The following CSMD1 variants were observed in gnomAD, a reference collection of about 807,000 sequenced individuals.
CSMD1 encodes the protein CUB and Sushi multiple domains 1.
CSMD1 carries 213 observed loss-of-function variants against 417.5 expected under a neutral mutation model. The ratio of observed to expected loss-of-function variants is 0.51; its 90% CI spans 0.46 to 0.57. CSMD1 has a LOEUF of 0.57. CSMD1 is among the 20% of genes least tolerant of loss of function. CSMD1 has a pLI of 0.00. For missense variants in CSMD1, 6,923 were observed against 4,529.7 expected (o/e 1.53, Z -15.17); for synonymous variants, 2,862 against 1,736.8 (o/e 1.65, Z -16.11).
At chr8:4,669,781 T>C (rs1805175078) in intron 1 of CSMD1, among the ~76,000 whole-genome samples, 1 of 152,200 alleles carries the variant, frequency 6.6e-6, no homozygotes, top group Non-Finnish European at 1.5e-5. Flanking sequence ...TGCAAATATT[T>C]TTCTAGAAGG....
chr8:4,418,398 C>A (rs1325324214), intron 3 of CSMD1, among the ~76,000 whole-genome samples: 2 of 151,978 alleles, frequency 1.3e-5, no homozygotes. Context: ...CCAGAAATAG[C>A]CCAGAAATAT....
chr8:3,398,488 C>G (rs569795488), intron 16 of CSMD1, among the ~76,000 whole-genome samples: 1 of 152,050 alleles, frequency 6.6e-6, no homozygotes, highest in Non-Finnish European at 1.5e-5. Context: ...GCTGAAAAAC[C>G]TTTCCTGTGT....
At chr8:4,318,878 T>C (rs1422516891) in intron 3 of CSMD1, among the ~76,000 whole-genome samples, 4 of 152,194 alleles carry the variant, frequency 2.6e-5, no homozygotes, top group African/African-American at 4.8e-5. Context: ...CAGAGATCTG[T>C]CCTAAATGAA....
chr8:3,630,633 T>C lies in CSMD1; in HGVS notation c.1010-13836A>G, dbSNP rs140710173. 1.9e-3 allele frequency among the ~76,000 whole-genome samples: 283 copies of C among 152,072 alleles called. 1 individual carries two copies. The highest frequency in any genetic ancestry group is 6.4e-3 in the African/African-American group (264 of 41,482). On this transcript the variant is annotated intron_variant, in intron 7 of 69. Transcript: ENST00000635120. ...GTTGGGCTGGCATGCTGAGTGAGGG[T>C]TGAAGGGCAGCAGACAGATTTCATT...
intron 3 of CSMD1, among the ~76,000 whole-genome samples, chr8:4,281,145 G>T (rs929952062): frequency 2.6e-5 from 4 of 152,170 alleles, no homozygotes; most frequent in Non-Finnish European, 4.4e-5. Flanking sequence ...CAGCCCTCGG[G>T]AGCACCTGAC....
intron 44 of CSMD1, 62 bp downstream of exon 44, chr8:3,108,541 A>G (rs541879169): frequency 1.2e-4 from 178 of 1,547,064 alleles, no homozygotes; most frequent in Non-Finnish European, 1.5e-4. Flanking sequence ...GCGTGGGACA[A>G]CACTGCAGGA....
chr8:4,309,354 A>C (rs1051067201), intron 3 of CSMD1, among the ~76,000 whole-genome samples: 2 of 152,152 alleles, frequency 1.3e-5, no homozygotes, highest in Admixed American at 1.3e-4. Context: ...TTTAGGAAAA[A>C]AACTAATCTT....
intron 5 of CSMD1, among the ~76,000 whole-genome samples, chr8:3,756,317 C>A (rs1213916542): frequency 1.3e-5 from 2 of 149,306 alleles, no homozygotes; most frequent in African/African-American, 2.5e-5. Context: ...CGCGCCACTG[C>A]ACTCCACCCT....
chr8:3,600,602 C>A (rs1014963757), intron 8 of CSMD1, among the ~76,000 whole-genome samples: 1 of 151,898 alleles, frequency 6.6e-6, no homozygotes, highest in East Asian at 2.0e-4. Flanking sequence ...CGATGGCAAG[C>A]AAGTATTATT....
intron 5 of CSMD1, among the ~76,000 whole-genome samples, chr8:3,868,723 C>G (rs144249932): frequency 2.0e-4 from 31 of 152,282 alleles, no homozygotes; most frequent in Middle Eastern, 3.4e-3. Context: ...TGGGGGCACT[C>G]CTGACCCTCT....
chr8:3,447,913 C>T (rs1356155064), intron 12 of CSMD1, among the ~76,000 whole-genome samples: 1 of 152,092 alleles, frequency 6.6e-6, no homozygotes, highest in Non-Finnish European at 1.5e-5. Context: ...CCCAGAGGAG[C>T]TGGAAGCTAT....
At chr8:3,684,369 A>G (rs993678310) in intron 7 of CSMD1, among the ~76,000 whole-genome samples, 2 of 147,432 alleles carry the variant, frequency 1.4e-5, no homozygotes, top group Admixed American at 1.4e-4. Flanking sequence ...TGTATATTAC[A>G]TAATATATAA....
At chr8:3,377,009 A>G (rs1165098551) in intron 18 of CSMD1, among the ~76,000 whole-genome samples, 1 of 152,140 alleles carries the variant, frequency 6.6e-6, no homozygotes, top group Non-Finnish European at 1.5e-5. Context: ...TAGATTTAGT[A>G]ATAGCTCTTT....
At chr8:3,674,011 T>G (rs73183329) in intron 7 of CSMD1, among the ~76,000 whole-genome samples, 21,060 of 152,096 alleles carry the variant, frequency 0.14, 1,636 homozygotes, top group South Asian at 0.21. Context: ...CCAGCCACTG[T>G]GGGAGAATAA....
In CSMD1 at chr8:3,896,674, C is replaced by T. The variant is rs563465403; in HGVS notation, c.818+101229G>A. ...CTACAGGCGCCCGCCACCACACTGGCTAATTTTTCTTATTTTTATTGGAGA... is the reference window on the plus strand; with the variant it reads ...CTACAGGCGCCCGCCACCACACTGGTTAATTTTTCTTATTTTTATTGGAGA... On this transcript the variant is annotated intron_variant, in intron 5 of 69. Transcript: ENST00000635120. Among the ~76,000 whole-genome samples, 6 of 152,002 alleles carry T rather than the reference C, an allele frequency of 3.9e-5. No individual in the cohort carries two copies. The East Asian group carries it at 1.2e-3, about 30-fold the overall frequency.
At chr8:4,799,246 C>T (rs1054438561) in intron 1 of CSMD1, among the ~76,000 whole-genome samples, 4 of 152,000 alleles carry the variant, frequency 2.6e-5, no homozygotes, top group Admixed American at 2.0e-4. Context: ...GGGATAACAC[C>T]GATGTAGCTC....
At chr8:4,455,370 C>G (rs377748241) in intron 2 of CSMD1, among the ~76,000 whole-genome samples, 2 of 152,146 alleles carry the variant, frequency 1.3e-5, no homozygotes, top group Admixed American at 6.5e-5. Context: ...AGCTGGAAAA[C>G]TGGTCATCAA....
At chr8:4,014,155 C>G (rs961384824) in intron 4 of CSMD1, among the ~76,000 whole-genome samples, 2 of 152,142 alleles carry the variant, frequency 1.3e-5, no homozygotes, top group Non-Finnish European at 2.9e-5. Flanking sequence ...TTGTGGTGAA[C>G]TGTCATAACA....
chr8:3,556,845 A>AC (rs750437531), intron 10 of CSMD1, among the ~76,000 whole-genome samples: 11 of 151,374 alleles, frequency 7.3e-5, no homozygotes, highest in East Asian at 1.9e-4. Context: ...CATAGGGCTT[A>AC]CCCCCTCTGG....
Sources: gnomAD v4.1 joint callset for allele counts (sites outside exome capture counted in the v4.1 genomes callset) on GRCh38, gnomAD v4.1.1 for gene constraint, MANE v1.5 for transcripts, NCBI Gene and HGNC (gene_info 2026-07-23, HGNC 2026-07-21) for gene names.